The following AUTS2 variants were observed in gnomAD, a reference collection of about 807,000 sequenced individuals.
AUTS2 encodes activator of transcription and developmental regulator AUTS2, also known as autism susceptibility gene 2 protein.
Under a neutral mutation model 112.4 loss-of-function variants are expected in AUTS2, and 17 were observed. That is an observed-to-expected ratio of 0.15 (90% CI 0.10 to 0.23). The LOEUF (loss-of-function observed/expected upper bound fraction) is 0.23. AUTS2 is among the 10% of genes least tolerant of loss of function. The probability of loss-of-function intolerance (pLI) is 1.00; values close to 1 mark genes in which losing one functional copy is unlikely to be tolerated. For missense variants in AUTS2, 1,510 were observed against 1,701.6 expected (o/e 0.89, Z 1.98); for synonymous variants, 751 against 702.7 (o/e 1.07, Z -1.09).
At chr7:70,397,760 T>C (rs1228850952) in intron 4 of AUTS2, among the ~76,000 whole-genome samples, 1 of 152,144 alleles carries the variant, frequency 6.6e-6, no homozygotes, top group East Asian at 1.9e-4. Context: ...AAATTTTTAA[T>C]TTTGATGAAG....
At chr7:70,246,509 A>G (rs922847785) in intron 4 of AUTS2, among the ~76,000 whole-genome samples, 3 of 152,076 alleles carry the variant, frequency 2.0e-5, no homozygotes, top group East Asian at 1.9e-4. Context: ...TATGCCTCCA[A>G]ATTTGCCTAG....
At position 70,227,012 on chromosome 7, in the gene AUTS2, A is replaced by AT. The variant is rs1249335275; in HGVS notation, c.660+92447dup. Among the ~76,000 whole-genome samples, 3 of 152,098 alleles carry AT rather than the reference A, an allele frequency of 2.0e-5. No homozygotes were observed. In the East Asian group the frequency reaches 5.8e-4, roughly 29 times the overall value. ...GTTGGGGTGAAGGTAGTTTCCTGGG[A>AT]TTTTTTATTACCATTAAGACACGTA... On this transcript the variant is annotated intron_variant, in intron 4 of 18. Transcript: ENST00000342771.
chr7:70,103,488 C>G (rs941897622), intron 2 of AUTS2, among the ~76,000 whole-genome samples: 1 of 152,080 alleles, frequency 6.6e-6, no homozygotes, highest in African/African-American at 2.4e-5. Context: ...CCCTGGGTGT[C>G]TTGGTGGAGT....
chr7:70,624,715 G>A (rs767670945), intron 5 of AUTS2, among the ~76,000 whole-genome samples: 8 of 152,272 alleles, frequency 5.3e-5, no homozygotes, highest in African/African-American at 9.6e-5. Flanking sequence ...ACTGTGCCCC[G>A]CGTGGGAAGG....
At chr7:70,622,962 T>C (rs910691871) in intron 5 of AUTS2, among the ~76,000 whole-genome samples, 1 of 152,242 alleles carries the variant, frequency 6.6e-6, no homozygotes, top group African/African-American at 2.4e-5. Context: ...TGTTTGATTC[T>C]AGACCATTAC....
intron 1 of AUTS2, among the ~76,000 whole-genome samples, chr7:69,795,578 G>A (rs1789806566): frequency 1.3e-5 from 2 of 152,168 alleles, no homozygotes; most frequent in South Asian, 4.1e-4. Context: ...GAGCAGTTAG[G>A]AGGCCATCTT....
intron 2 of AUTS2, among the ~76,000 whole-genome samples, chr7:69,909,813 A>G (rs183118861): frequency 1.3e-5 from 2 of 152,264 alleles, no homozygotes; most frequent in Admixed American, 1.3e-4. Flanking sequence ...TTTTTTATAT[A>G]TTGCTATGAG....
chr7:69,784,402 C>A (rs1422096189), intron 1 of AUTS2, among the ~76,000 whole-genome samples: 1 of 152,148 alleles, frequency 6.6e-6, no homozygotes, highest in Non-Finnish European at 1.5e-5. Flanking sequence ...GGATGGAGTC[C>A]AACCTTCTGG....
intron 4 of AUTS2, among the ~76,000 whole-genome samples, chr7:70,354,639 A>G (rs955357399): frequency 6.6e-6 from 1 of 152,180 alleles, no homozygotes; most frequent in Non-Finnish European, 1.5e-5. Flanking sequence ...GCAGAGCTGC[A>G]CTGTCCCAGG....
At chr7:70,131,741 ACT>A (rs1584768703) in intron 3 of AUTS2, among the ~76,000 whole-genome samples, 1 of 151,814 alleles carries the variant, frequency 6.6e-6, no homozygotes, top group East Asian at 1.9e-4. Context: ...TATGACAGAG[ACT>A]CTTTACTGGG....
intron 4 of AUTS2, among the ~76,000 whole-genome samples, chr7:70,342,817 C>CT (rs1386146457): frequency 6.6e-6 from 1 of 152,160 alleles, no homozygotes; most frequent in East Asian, 1.9e-4. Context: ...AGCAATCAGA[C>CT]TTTTTCCAGT....
chr7:70,407,870 C>T (rs975021904), intron 4 of AUTS2, among the ~76,000 whole-genome samples: 5 of 151,816 alleles, frequency 3.3e-5, no homozygotes, highest in South Asian at 2.1e-4. Context: ...CTGGCTAACA[C>T]GGTGAAACCC....
rs535850405 is a variant in AUTS2 at position 70,603,133 on chromosome 7, T to C, written c.691-95436T>C. Among the ~76,000 whole-genome samples, 7 of 152,372 alleles carry C rather than the reference T, an allele frequency of 4.6e-5. No homozygotes were observed. In the South Asian group the frequency reaches 1.0e-3, roughly 23 times the overall value. The stretch of plus-strand genomic sequence containing the variant: ...TGTTTTGTTTTTGAAGAACAAAGTA[T>C]ATAAATGCCCTCTAGAGTCATAGAC... On this transcript the variant is annotated intron_variant, in intron 5 of 18. Transcript: ENST00000342771.
chr7:70,745,162 A>C lies in AUTS2; in HGVS notation c.743-17708A>C, dbSNP rs542968476. Among the ~76,000 whole-genome samples the C allele has an allele frequency of 2.0e-5, 3 of 152,172 alleles. No individual in the cohort carries two copies. In the East Asian group the frequency reaches 5.8e-4, roughly 29 times the overall value. ...GTATGTATCCCGATTGTATTTCACT[A>C]TCATTACGGAGATTTTTATTGTGTC... On this transcript the variant is annotated intron_variant, in intron 6 of 18. Transcript: ENST00000342771.
intron 5 of AUTS2, among the ~76,000 whole-genome samples, chr7:70,479,097 A>G (rs1470123553): frequency 6.6e-6 from 1 of 152,150 alleles, no homozygotes; most frequent in East Asian, 1.9e-4. Flanking sequence ...AAATGATGAA[A>G]AAATAGTACC....
chr7:70,391,902 C>T (rs536931207), intron 4 of AUTS2, among the ~76,000 whole-genome samples: 2 of 152,018 alleles, frequency 1.3e-5, no homozygotes, highest in South Asian at 4.2e-4. Flanking sequence ...TATTTTGCTG[C>T]CATTCAGAGC....
intron 4 of AUTS2, among the ~76,000 whole-genome samples, chr7:70,265,279 TG>T (rs1380888452): frequency 2.0e-5 from 3 of 152,186 alleles, no homozygotes; most frequent in African/African-American, 7.2e-5. Context: ...CAAAAGATGG[TG>T]GTGAGGCTGT....
intron 4 of AUTS2, among the ~76,000 whole-genome samples, chr7:70,146,749 TAGAA>T (rs1807144818): frequency 6.6e-6 from 1 of 152,140 alleles, no homozygotes. Context: ...AGCTGTCACA[TAGAA>T]AGCCTTCCAC....
intron 5 of AUTS2, among the ~76,000 whole-genome samples, chr7:70,515,286 C>T (rs1007523132): frequency 4.6e-5 from 7 of 152,086 alleles, no homozygotes; most frequent in Non-Finnish European, 8.8e-5. Flanking sequence ...AGAGGCTAGA[C>T]GGTGGTGCCA....
Sources: gnomAD v4.1 joint callset for allele counts (sites outside exome capture counted in the v4.1 genomes callset) on GRCh38, gnomAD v4.1.1 for gene constraint, MANE v1.5 for transcripts, NCBI Gene and HGNC (gene_info 2026-07-23, HGNC 2026-07-21) for gene names.